Variants in CCNI observed in about 807,000 individuals in gnomAD.
CCNI encodes cyclin-I.
In CCNI, 14 loss-of-function variants were observed where a neutral mutation model predicts 34.1. The observed-to-expected ratio is 0.41, with a 90% confidence interval of 0.27 to 0.64. The LOEUF is 0.64. CCNI is among the 30% of genes least tolerant of loss of function. CCNI has a pLI of 0.31. For missense variants in CCNI, 385 were observed against 440.5 expected (o/e 0.87, Z 1.13); for synonymous variants, 154 against 158.4 (o/e 0.97, Z 0.21).
chr4:77,056,860 G>T (rs4252886), intron 3 of CCNI, among the ~76,000 whole-genome samples: 2,258 of 152,080 alleles, frequency 0.015, 49 homozygotes, highest in African/African-American at 0.051. Context: ...CAAAGTGCTG[G>T]GATTACAGGC....
At chr4:77,065,425 T>C (rs1017652139) in intron 2 of CCNI, among the ~76,000 whole-genome samples, 1 of 152,194 alleles carries the variant, frequency 6.6e-6, no homozygotes, top group Non-Finnish European at 1.5e-5. Flanking sequence ...TGAAAAATAA[T>C]TATATATGAC....
chr4:77,065,568 G>C (rs938635208), intron 2 of CCNI, among the ~76,000 whole-genome samples: 14 of 152,200 alleles, frequency 9.2e-5, no homozygotes, highest in Admixed American at 9.2e-4. Flanking sequence ...CGCTAATGAT[G>C]AAAGAGTAGG....
At chr4:77,069,760 A>C (rs1483636000) in intron 1 of CCNI, among the ~76,000 whole-genome samples, 1 of 151,898 alleles carries the variant, frequency 6.6e-6, no homozygotes, top group Admixed American at 6.6e-5. Context: ...ACACACAACC[A>C]AAAACTCTAC....
At chr4:77,058,748 T>C (rs1728406843) in intron 2 of CCNI, 113 bp from the exon 3 acceptor site, 5 of 838,480 alleles carry the variant, frequency 6.0e-6, no homozygotes, top group Middle Eastern at 2.6e-4. Flanking sequence ...TATTTAAAAA[T>C]GTTAAGGTTA....
rs569801142 is a variant in CCNI at position 77,063,477 on chromosome 4, C to T, written c.114+2772G>A. ...ACTTTGGAAGGCCGGATCACAAGGT[C>T]AGGAGATCGAGACCATCCTGGCTAA... On this transcript the variant is annotated intron_variant, in intron 2 of 6. Transcript: ENST00000237654. 2.6e-5 allele frequency among the ~76,000 whole-genome samples: 4 copies of T among 151,458 alleles called. No homozygotes were observed. The South Asian group carries it at 8.4e-4, about 32-fold the overall frequency.
chr4:77,048,079 G>A lies in CCNI; in HGVS notation c.*140C>T, dbSNP rs903756278. 1.1e-5 allele frequency: 6 copies of A among 560,182 alleles called. No homozygotes were observed. The highest frequency in any genetic ancestry group is 1.9e-5 in the Non-Finnish European group (6 of 321,000). The allele number at this position is 560,182 out of a possible 1,614,324, so 34.7% of individuals were successfully genotyped here. On this transcript the variant is annotated 3_prime_UTR_variant, in exon 7 of 7. Transcript: ENST00000237654. ...TTATAATTAGCCACACAAATAATGAGAGTTTTATTTTTTTTTTCTGGCTCA... is the reference window on the plus strand; with the variant it reads ...TTATAATTAGCCACACAAATAATGAAAGTTTTATTTTTTTTTTCTGGCTCA...
intron 1 of CCNI, among the ~76,000 whole-genome samples, chr4:77,070,019 T>C (rs1012162153): frequency 4.9e-5 from 7 of 143,982 alleles, no homozygotes; most frequent in Non-Finnish European, 1.1e-4. Context: ...ATCATGGGCT[T>C]TTTTTTTTTT....
intron 6 of CCNI, among the ~76,000 whole-genome samples, chr4:77,051,703 G>C (rs1269863122): frequency 6.6e-6 from 1 of 151,994 alleles, no homozygotes; most frequent in African/African-American, 2.4e-5. Flanking sequence ...ACATATACTG[G>C]AACTACCAAA....
intron 6 of CCNI, among the ~76,000 whole-genome samples, chr4:77,054,417 G>A (rs1728071509): frequency 1.3e-5 from 2 of 152,100 alleles, no homozygotes; most frequent in African/African-American, 4.8e-5. Context: ...TATGGATTCA[G>A]GTGGCAGGAA....
chr4:77,056,459 C>T (rs4252892), intron 3 of CCNI, 136 bp from the exon 4 acceptor site: 54,615 of 639,196 alleles, frequency 0.085, 3,154 homozygotes, highest in African/African-American at 0.17. Flanking sequence ...ATTAATGTGA[C>T]TGCCACTCAT....
Position 77,048,164 on chromosome 4 carries a change from C to A in CCNI, c.*55G>T. ...ACAGCCTTTCCTGATTTTGCATGTTCTCATTCCCAAAGTAGTCTACCTTAG... is the reference window on the plus strand; with the variant it reads ...ACAGCCTTTCCTGATTTTGCATGTTATCATTCCCAAAGTAGTCTACCTTAG... On this transcript the variant is annotated 3_prime_UTR_variant, in exon 7 of 7. Coordinates refer to ENST00000237654, the MANE Select transcript of CCNI (RefSeq NM_006835.3). 7.2e-7 allele frequency: 1 copy of A among 1,395,992 alleles called. No individual in the cohort carries two copies. Among genetic ancestry groups the A allele is most frequent in the Non-Finnish European group, 9.9e-7 (1 of 1,009,500 alleles). 86.5% of individuals were successfully genotyped at this position (1,395,992 alleles called of 1,614,324 possible).
chr4:77,048,247 G>A lies in CCNI; in HGVS notation c.1106C>T (p.Pro369Leu). ...CATGACAGAAACAGGCTGCAAAGGT[G>A]GACAAGGGGAAGCATGTCCCTCTTG... Reference protein sequence around the residue: ...SRQEGHASPCPPLQPVSVM With the variant: ...SRQEGHASPCLPLQPVSVM Residue 369 changes from proline to leucine, a missense_variant, in exon 7 of 7, where the codon CCA becomes CTA. Pro to Leu is a moderately conservative substitution (Grantham distance 98). Around this residue, in one of 2 missense-constraint regions of CCNI, gnomAD observed 250 missense variants for 248.7 expected, o/e 1.01. Coordinates refer to ENST00000237654, the MANE Select transcript of CCNI (RefSeq NM_006835.3). The A allele has an allele frequency of 6.2e-7, 1 of 1,613,910 alleles. No individual in the cohort carries two copies. The highest frequency in any genetic ancestry group is 8.5e-7 in the Non-Finnish European group (1 of 1,179,902).
At chr4:77,063,751 A>G (rs532864985) in intron 2 of CCNI, among the ~76,000 whole-genome samples, 16 of 152,008 alleles carry the variant, frequency 1.1e-4, no homozygotes, top group African/African-American at 3.9e-4. Flanking sequence ...AAGCAACTCA[A>G]GCCCCTATAG....
At chr4:77,056,389 C>T (rs1728232284) in intron 3 of CCNI, 66 bp from the exon 4 acceptor site, 3 of 1,248,938 alleles carry the variant, frequency 2.4e-6, no homozygotes, top group South Asian at 2.4e-5. Flanking sequence ...CTTTTTGTAA[C>T]TGTTTTAAAA....
chr4:77,061,067 A>G (rs4241601), intron 2 of CCNI, among the ~76,000 whole-genome samples: 34,971 of 152,090 alleles, frequency 0.23, 5,003 homozygotes, highest in East Asian at 0.38. Context: ...CCCATATACC[A>G]GATAGTAAAA....
chr4:77,065,447 A>C (rs1048534541), intron 2 of CCNI, among the ~76,000 whole-genome samples: 2 of 152,246 alleles, frequency 1.3e-5, no homozygotes, highest in African/African-American at 4.8e-5. Context: ...GAAGTATAAA[A>C]ATTTCTAAAA....
intron 6 of CCNI, 150 bp downstream of exon 6, chr4:77,055,000 C>T (rs1267427048): frequency 3.3e-5 from 18 of 540,368 alleles, no homozygotes; most frequent in African/African-American, 1.2e-4. Context: ...TCACCTAGCC[C>T]GTAAATTTAA....
chr4:77,075,486 C>A lies in CCNI; in HGVS notation c.-58G>T. 1.4e-6 allele frequency: 1 copy of A among 709,356 alleles called. No individual in the cohort carries two copies. The highest frequency in any genetic ancestry group is 1.7e-6 in the Non-Finnish European group (1 of 576,008). 43.9% of individuals were successfully genotyped at this position (709,356 alleles called of 1,614,324 possible). On this transcript the variant is annotated 5_prime_UTR_variant, in exon 1 of 7. An upstream open reading frame in the 5' UTR gains an earlier in-frame stop. Transcript: ENST00000237654. The stretch of plus-strand genomic sequence containing the variant: ...CCGCCCCTCACCTTCTCCTCCTCTT[C>A]CTCCTCCTCCTCCTCCCCGGCAGAG...
chr4:77,069,792 G>T (rs4252806), intron 1 of CCNI, among the ~76,000 whole-genome samples: 8,252 of 151,918 alleles, frequency 0.054, 337 homozygotes, highest in South Asian at 0.14. Flanking sequence ...CCAACCCACT[G>T]TGTGTGGGGT....
Sources: gnomAD v4.1 joint callset for allele counts (sites outside exome capture counted in the v4.1 genomes callset) on GRCh38, gnomAD v4.1.1 for gene constraint, gnomAD v4.1.1 regional missense constraint, MANE v1.5 for transcripts, NCBI Gene and HGNC (gene_info 2026-07-23, HGNC 2026-07-21) for gene names.